The following BRD1 variants were observed in gnomAD, a reference collection of about 807,000 sequenced individuals.
The protein encoded by BRD1 is bromodomain containing 1.
A neutral mutation model predicts 107.7 loss-of-function variants in BRD1; 24 were observed. The ratio of observed to expected loss-of-function variants is 0.22; its 90% CI spans 0.16 to 0.31. The LOEUF (loss-of-function observed/expected upper bound fraction) is 0.31. Ranked by LOEUF, BRD1 falls within the 10% of genes least tolerant of loss-of-function variation. The probability of loss-of-function intolerance (pLI) is 1.00; values close to 1 mark genes in which losing one functional copy is unlikely to be tolerated. For synonymous variants in BRD1, 744 were observed against 686.1 expected, an observed-to-expected ratio of 1.08 and a Z score of -1.32; for missense variants, 1,279 against 1,638.6, an observed-to-expected ratio of 0.78 and a Z score of 3.79.
rs1432255671 is a variant in BRD1 at position 49,786,383 on chromosome 22, C to T, written c.2857+1007G>A. Among the ~76,000 whole-genome samples the T allele has an allele frequency of 3.9e-5, 6 of 152,342 alleles. No homozygotes were observed. In the East Asian group the frequency reaches 1.2e-3, roughly 29 times the overall value. ...GGGCGGGGAGCAGAGGCTGCAGGAA[C>T]ACAGCGGCCTCCTCAAAGTGCTCCC... On this transcript the variant is annotated intron_variant, in intron 8 of 12. Transcript: ENST00000404760.
chr22:49,826,291 G>A lies in BRD1; in HGVS notation c.-15+1206C>T, dbSNP rs913301765. 16 of 982,090 alleles carry A rather than the reference G, an allele frequency of 1.6e-5. No homozygotes were observed. The East Asian group carries it at 1.7e-3, about 105-fold the overall frequency. 60.8% of individuals were successfully genotyped at this position (982,090 alleles called of 1,614,324 possible). A position where few individuals can be genotyped will look rare whatever the true frequency, so the allele number is the denominator to read the frequency against. On this transcript the variant is annotated intron_variant, in intron 1 of 12. Coordinates refer to ENST00000404760, the MANE Select transcript of BRD1 (RefSeq NM_001304808.3). ...CAACACTTTCTACAAGGGGAGAACT[G>A]AACCGAAGGCTTCACGGCCACAGCA...
At chr22:49,775,815 A>ACCCCCCCCCCCCCCC in intron 11 of BRD1, 70 bp from the exon 12 acceptor site, 1 of 1,141,502 alleles carries the variant, frequency 8.8e-7, no homozygotes, top group Non-Finnish European at 1.1e-6. Context: ...TGTCACTGGC[A>ACCCCCCCCCCCCCCC]CCCCCCCCCG....
At chr22:49,809,849 C>A (rs1326140048) in intron 2 of BRD1, among the ~76,000 whole-genome samples, 1 of 152,088 alleles carries the variant, frequency 6.6e-6, no homozygotes, top group East Asian at 1.9e-4. Context: ...AACCTACAAG[C>A]CTAATGAAAC....
At chr22:49,819,032 C>G (rs2147363047) in intron 2 of BRD1, among the ~76,000 whole-genome samples, 1 of 151,678 alleles carries the variant, frequency 6.6e-6, no homozygotes, top group South Asian at 2.1e-4. Flanking sequence ...CCAAGGCAGG[C>G]AGATCACCTG....
Position 49,774,099 on chromosome 22 carries a change from A to G in BRD1, c.*134T>C, listed in dbSNP as rs2059034711. ...GGGTTCCTAGAAAACTTGGAAATAA[A>G]ACCTCCCCCCTCCCCGGGGAAAAAG... is the stretch of plus-strand genomic sequence containing the variant. On this transcript the variant is annotated 3_prime_UTR_variant, in exon 13 of 13. Coordinates refer to ENST00000404760, the MANE Select transcript of BRD1 (RefSeq NM_001304808.3). The G allele has an allele frequency of 1.6e-6, 2 of 1,284,994 alleles. No individual in the cohort carries two copies. The highest frequency in any genetic ancestry group is 3.4e-5 in the South Asian group (2 of 58,446). 79.6% of individuals were successfully genotyped at this position (1,284,994 alleles called of 1,614,324 possible). A position where few individuals can be genotyped will look rare whatever the true frequency, so the allele number is the denominator to read the frequency against.
Position 49,774,086 on chromosome 22 carries a change from A to C in BRD1, c.*147T>G. ...CCCAGACGGAGATGGGTTCCTAGAA[A>C]ACTTGGAAATAAAACCTCCCCCCTC... On this transcript the variant is annotated 3_prime_UTR_variant, in exon 13 of 13. Transcript: ENST00000404760. 1 of 1,161,066 alleles carries C rather than the reference A, an allele frequency of 8.6e-7. No individual in the cohort carries two copies. Among genetic ancestry groups the C allele is most frequent in the Non-Finnish European group, 1.2e-6 (1 of 849,414 alleles). The allele number at this position is 1,161,066 out of a possible 1,614,324, so 71.9% of individuals were successfully genotyped here.
At chr22:49,774,541 A>C in intron 12 of BRD1, 125 bp from the exon 13 acceptor site, 1 of 1,077,330 alleles carries the variant, frequency 9.3e-7, no homozygotes, top group Non-Finnish European at 1.3e-6. Context: ...CACCACCAAG[A>C]CAGCTGGGCC....
In BRD1 at chr22:49,773,437, T is replaced by C. The variant is rs375929237; in HGVS notation, c.*796A>G. 1 of 152,602 alleles carries C rather than the reference T, an allele frequency of 6.6e-6. No homozygotes were observed. The highest frequency in any genetic ancestry group is 1.5e-5 in the Non-Finnish European group (1 of 68,044). The allele number at this position is 152,602 out of a possible 1,614,324, so 9.5% of individuals were successfully genotyped here. A position where few individuals can be genotyped will look rare whatever the true frequency, so the allele number is the denominator to read the frequency against. ...TACAAAAATGTATCCAAAGTTTCTA[T>C]TGCTACCAAAGTGTTCTAAATTAAA... On this transcript the variant is annotated 3_prime_UTR_variant, in exon 13 of 13. Coordinates refer to ENST00000404760, the MANE Select transcript of BRD1 (RefSeq NM_001304808.3).
chr22:49,799,393 G>A (rs2059598383), intron 3 of BRD1, among the ~76,000 whole-genome samples: 1 of 152,242 alleles, frequency 6.6e-6, no homozygotes, highest in Non-Finnish European at 1.5e-5. Context: ...ACCCTCCAGA[G>A]AGGACAGAGG....
Position 49,788,609 on chromosome 22 carries a change from GC to G in BRD1, c.2360-723del, listed in dbSNP as rs2059373803. On this transcript the variant is annotated intron_variant, in intron 7 of 12. Coordinates refer to ENST00000404760, the MANE Select transcript of BRD1 (RefSeq NM_001304808.3). Reference sequence around the variant, plus strand: ...AACCGGAAGTGTGAAATGGTAAAAAGCCCGAGGTCAGGAGGACGGCCTGGGG... The same window carrying G: ...AACCGGAAGTGTGAAATGGTAAAAAGCCGAGGTCAGGAGGACGGCCTGGGG... 2.6e-5 allele frequency among the ~76,000 whole-genome samples: 4 copies of G among 152,204 alleles called. No individual in the cohort carries two copies. The South Asian group carries it at 8.3e-4, about 31-fold the overall frequency.
At chr22:49,817,023 C>T (rs2059966156) in intron 2 of BRD1, among the ~76,000 whole-genome samples, 1 of 152,220 alleles carries the variant, frequency 6.6e-6, no homozygotes, top group Non-Finnish European at 1.5e-5. Context: ...ATTTCAGACA[C>T]CCCACAGGGA....
chr22:49,794,381 C>T (rs112137435), intron 6 of BRD1, 87 bp from the exon 7 acceptor site: 7 of 1,513,878 alleles, frequency 4.6e-6, no homozygotes, highest in Admixed American at 1.9e-5. Flanking sequence ...AAATCACCTT[C>T]GGCCAAGGCC....
chr22:49,824,649 A>T lies in BRD1; in HGVS notation c.-14-318T>A. ...TGCGGAGACCACAGCAACGCTCCCC[A>T]AGGAGGAGGGGTCCGGCCCAGAGCC... On this transcript the variant is annotated intron_variant, in intron 1 of 12. Transcript: ENST00000404760. The surrounding 1 kb of genome is among the most constrained non-coding windows in gnomAD (Gnocchi z 5.9). The T allele has an allele frequency of 2.6e-6, 3 of 1,151,324 alleles. No homozygotes were observed. The highest frequency in any genetic ancestry group is 3.2e-6 in the Non-Finnish European group (3 of 929,946). The allele number at this position is 1,151,324 out of a possible 1,614,324, so 71.3% of individuals were successfully genotyped here. A position where few individuals can be genotyped will look rare whatever the true frequency, so the allele number is the denominator to read the frequency against.
At chr22:49,797,544 T>C (rs1016166567) in intron 6 of BRD1, among the ~76,000 whole-genome samples, 4 of 152,224 alleles carry the variant, frequency 2.6e-5, no homozygotes, top group African/African-American at 9.6e-5. Context: ...GAAAAGCTTA[T>C]ATATCCTCAG....
At chr22:49,808,910 A>G (rs1316121003) in intron 2 of BRD1, among the ~76,000 whole-genome samples, 1 of 152,096 alleles carries the variant, frequency 6.6e-6, no homozygotes, top group Non-Finnish European at 1.5e-5. Context: ...TGAGGTCAGG[A>G]GTTCAAGACC....
chr22:49,818,270 G>T, intron 2 of BRD1: 1 of 1,274,406 alleles, frequency 7.8e-7, no homozygotes, highest in Non-Finnish European at 1.0e-6. Context: ...TCTCGTAGTA[G>T]AGGAGCTCCT....
At position 49,827,680 on chromosome 22, in the gene BRD1, C is replaced by G. The variant is rs1410526355; in HGVS notation, c.-198G>C. ...GCTCCGGGCCCGGCAGCGGCGGCCG[C>G]GGACTCTCGGGCAGCGGCTCGCGCG... On this transcript the variant is annotated 5_prime_UTR_variant, in exon 1 of 13. Transcript: ENST00000404760. 6.9e-6 allele frequency among the ~76,000 whole-genome samples: 1 copy of G among 145,028 alleles called. No individual in the cohort carries two copies. Among genetic ancestry groups the G allele is most frequent in the Middle Eastern group, 3.3e-3 (1 of 300 alleles).
chr22:49,777,599 T>A, intron 9 of BRD1, 79 bp downstream of exon 9: 3 of 1,540,908 alleles, frequency 1.9e-6, no homozygotes, highest in Non-Finnish European at 2.6e-6. Flanking sequence ...AGCTGGAATG[T>A]CCCGGCTTCC....
At chr22:49,774,492 CA>C in intron 12 of BRD1, 76 bp from the exon 13 acceptor site, 1 of 1,464,130 alleles carries the variant, frequency 6.8e-7, no homozygotes, top group South Asian at 1.3e-5. Context: ...AATCATCTAA[CA>C]AATTCACTGC....
Sources: gnomAD v4.1 joint callset for allele counts (sites outside exome capture counted in the v4.1 genomes callset) on GRCh38, gnomAD v4.1.1 for gene constraint, Gnocchi (gnomAD v3.1) non-coding constraint, MANE v1.5 for transcripts, NCBI Gene and HGNC (gene_info 2026-07-23, HGNC 2026-07-21) for gene names.